MIER1: variants seen among roughly 807,000 people sequenced by gnomAD.
The protein encoded by MIER1 is MIER1 transcriptional regulator.
In MIER1, 40 loss-of-function variants were observed where a neutral mutation model predicts 75.7. That is an observed-to-expected ratio of 0.53 (90% CI 0.41 to 0.69). The LOEUF (loss-of-function observed/expected upper bound fraction) is 0.69, where lower values mean the gene tolerates loss of function less well. Ranked by LOEUF, MIER1 falls within the 30% of genes least tolerant of loss-of-function variation. The probability of loss-of-function intolerance (pLI) is 0.00; values close to 1 mark genes in which losing one functional copy is unlikely to be tolerated. For synonymous variants in MIER1, 213 were observed against 223.4 expected, an observed-to-expected ratio of 0.95 and a Z score of 0.42; for missense variants, 574 against 680.2, an observed-to-expected ratio of 0.84 and a Z score of 1.74.
intron 3 of MIER1, chr1:66,940,346 A>G (rs530015542): frequency 8.8e-6 from 2 of 227,756 alleles, no homozygotes; most frequent in East Asian, 1.5e-4. Context: ...GACTTGTAGT[A>G]TATATATAAA....
chr1:66,957,151 C>G (rs1445328841), intron 4 of MIER1, among the ~76,000 whole-genome samples: 1 of 152,038 alleles, frequency 6.6e-6, no homozygotes, highest in Non-Finnish European at 1.5e-5. Context: ...TTTTTATAAT[C>G]AGAATTCTGT....
intron 11 of MIER1, among the ~76,000 whole-genome samples, chr1:66,975,301 C>A (rs1664479624): frequency 6.6e-6 from 1 of 152,100 alleles, no homozygotes; most frequent in Non-Finnish European, 1.5e-5. Flanking sequence ...TTGAAGCATG[C>A]AGATTGCTTG....
chr1:66,934,952 A>C (rs1250470736), intron 2 of MIER1, among the ~76,000 whole-genome samples: 1 of 152,086 alleles, frequency 6.6e-6, no homozygotes, highest in Non-Finnish European at 1.5e-5. Flanking sequence ...TCTGACTTAG[A>C]GTCTACATAA....
intron 8 of MIER1, among the ~76,000 whole-genome samples, chr1:66,969,588 A>G (rs950702145): frequency 1.3e-5 from 2 of 149,316 alleles, no homozygotes; most frequent in African/African-American, 4.9e-5. Context: ...ATTGCCTGGT[A>G]CATAGGATAT....
At chr1:66,941,984 A>AC in intron 3 of MIER1, among the ~76,000 whole-genome samples, 1 of 151,766 alleles carries the variant, frequency 6.6e-6, no homozygotes, top group Non-Finnish European at 1.5e-5. Context: ...AAAAAAAAAA[A>AC]AAACAGTCTT....
intron 4 of MIER1, among the ~76,000 whole-genome samples, chr1:66,956,451 C>A (rs1252690333): frequency 1.3e-5 from 2 of 152,166 alleles, no homozygotes; most frequent in African/African-American, 4.8e-5. Context: ...ATTTCTCTTA[C>A]TACACTTCTA....
intron 2 of MIER1, chr1:66,929,207 T>C (rs998764515): frequency 6.2e-6 from 3 of 482,062 alleles, no homozygotes; most frequent in Non-Finnish European, 1.1e-5. Context: ...AATGTAGTAT[T>C]GGTTCACATT....
At chr1:66,931,065 A>T (rs1235983270) in intron 2 of MIER1, among the ~76,000 whole-genome samples, 1 of 32,800 alleles carries the variant, frequency 3.0e-5, no homozygotes, top group African/African-American at 1.3e-4. Context: ...GCTTCCCCCC[A>T]CCCCCTTTCC....
chr1:66,953,243 G>A (rs1227934608), intron 4 of MIER1, among the ~76,000 whole-genome samples: 2 of 152,222 alleles, frequency 1.3e-5, no homozygotes, highest in African/African-American at 4.8e-5. Context: ...GAGTAGGAGA[G>A]GCTTGGAGGG....
chr1:66,949,944 G>A (rs1658536645), intron 4 of MIER1, among the ~76,000 whole-genome samples: 1 of 151,694 alleles, frequency 6.6e-6, no homozygotes, highest in Non-Finnish European at 1.5e-5. Context: ...AAACTAACTC[G>A]AAAGAAGTTT....
intron 11 of MIER1, among the ~76,000 whole-genome samples, chr1:66,975,583 C>T (rs1425287742): frequency 1.3e-5 from 2 of 151,886 alleles, no homozygotes; most frequent in Non-Finnish European, 2.9e-5. Flanking sequence ...TATACATCAG[C>T]CCTAAATCCT....
chr1:66,985,814 A>ATT lies in MIER1; in HGVS notation c.*936_*937dup, dbSNP rs150870135. ...TAAAGCATTCATAAAGGATTATAAA[A>ATT]TTTTTTTTTTTTTTTTTTTTTTTAA... is the stretch of plus-strand genomic sequence containing the variant. On this transcript the variant is annotated 3_prime_UTR_variant, in exon 14 of 14. Coordinates refer to ENST00000401041, the MANE Select transcript of MIER1 (RefSeq NM_001077700.3). 2.3e-3 allele frequency: 1,419 copies of ATT among 628,154 alleles called. 1 individual carries two copies. Among genetic ancestry groups the ATT allele is most frequent in the South Asian group, 4.2e-3 (56 of 13,262 alleles). 38.9% of individuals were successfully genotyped at this position (628,154 alleles called of 1,614,324 possible). A position where few individuals can be genotyped will look rare whatever the true frequency, so the allele number is the denominator to read the frequency against.
chr1:66,985,785 T>TG lies in MIER1; in HGVS notation c.*887dup. ...AATTAAGTCATATTTCTTATCCAGG[T>TG]GGTTAAAGCATTCATAAAGGATTAT... is the stretch of plus-strand genomic sequence containing the variant. On this transcript the variant is annotated 3_prime_UTR_variant, in exon 14 of 14. Coordinates refer to ENST00000401041, the MANE Select transcript of MIER1 (RefSeq NM_001077700.3). The TG allele has an allele frequency of 2.2e-6, 2 of 909,616 alleles. No homozygotes were observed. The highest frequency in any genetic ancestry group is 2.6e-6 in the Non-Finnish European group (2 of 761,768). The allele number at this position is 909,616 out of a possible 1,614,324, so 56.3% of individuals were successfully genotyped here. A position where few individuals can be genotyped will look rare whatever the true frequency, so the allele number is the denominator to read the frequency against.
chr1:66,953,495 T>C (rs187973068), intron 4 of MIER1, among the ~76,000 whole-genome samples: 12 of 152,312 alleles, frequency 7.9e-5, no homozygotes, highest in African/African-American at 2.9e-4. Flanking sequence ...TTGGTGGTGA[T>C]GATTTTTTCT....
chr1:66,975,276 C>T (rs954859363), intron 11 of MIER1, among the ~76,000 whole-genome samples: 22 of 152,126 alleles, frequency 1.4e-4, no homozygotes, highest in Non-Finnish European at 3.1e-4. Context: ...CCTGTTATCT[C>T]AGTACTTTGG....
chr1:66,958,850 G>A lies in MIER1; in HGVS notation c.502-1G>A. ...GAGAAATTTAATTTATTATTCCACA[G>A]GAGGAGAATATAAAGGATTCATCAG... On this transcript the variant is annotated splice_acceptor_variant, in intron 5 of 13. Transcript: ENST00000401041. LOFTEE classifies it high-confidence loss of function. 1 of 1,600,616 alleles carries A rather than the reference G, an allele frequency of 6.2e-7. No individual in the cohort carries two copies. Among genetic ancestry groups the A allele is most frequent in the Non-Finnish European group, 8.5e-7 (1 of 1,171,328 alleles).
intron 1 of MIER1, chr1:66,925,452 C>T (rs1651388845): frequency 5.1e-6 from 5 of 985,434 alleles, no homozygotes; most frequent in Non-Finnish European, 4.8e-6. Context: ...GACCACCCTG[C>T]TGTGGCTCCG....
At chr1:66,928,827 T>C in intron 2 of MIER1, 1 of 1,067,804 alleles carries the variant, frequency 9.4e-7, no homozygotes, top group East Asian at 2.5e-5. Context: ...GTAAAAATTG[T>C]TTGTAGATTT....
chr1:66,943,912 A>T (rs1656846805), intron 3 of MIER1, among the ~76,000 whole-genome samples: 1 of 152,198 alleles, frequency 6.6e-6, no homozygotes, highest in Non-Finnish European at 1.5e-5. Context: ...TATACCCAGG[A>T]TTCAAATTCC....
Sources: allele counts gnomAD v4.1 joint callset (sites outside exome capture counted in the v4.1 genomes callset), GRCh38; gene constraint gnomAD v4.1.1; transcripts MANE v1.5; gene names NCBI Gene and HGNC (gene_info 2026-07-23, HGNC 2026-07-21).